Variants in LIMCH1 observed in about 807,000 individuals in gnomAD.
The protein encoded by LIMCH1 is LIM and calponin homology domains-containing protein 1.
A neutral mutation model predicts 176.5 loss-of-function variants in LIMCH1; 113 were observed. The ratio of observed to expected loss-of-function variants is 0.64; its 90% CI spans 0.55 to 0.75. The LOEUF is 0.75. Among genes scored for constraint, LIMCH1 ranks in the 30% least tolerant of loss-of-function variants. The pLI, the probability that LIMCH1 is intolerant of heterozygous loss-of-function variation, is 0.00. For missense variants in LIMCH1, 1,674 were observed against 1,814.9 expected, an observed-to-expected ratio of 0.92 and a Z score of 1.41; for synonymous variants, 619 against 645.9, an observed-to-expected ratio of 0.96 and a Z score of 0.63.
intron 1 of LIMCH1, among the ~76,000 whole-genome samples, chr4:41,487,508 G>A (rs768451253): frequency 2.0e-5 from 3 of 152,102 alleles, no homozygotes; most frequent in Non-Finnish European, 4.4e-5. Flanking sequence ...CATCTTGGGG[G>A]ACTTTTGATT....
Position 41,427,458 on chromosome 4 carries a change from C to G in LIMCH1, c.96+66522C>G, listed in dbSNP as rs1239070940. Among the ~76,000 whole-genome samples the G allele has an allele frequency of 5.3e-5, 8 of 152,322 alleles. No homozygotes were observed. The East Asian group carries it at 1.4e-3, about 26-fold the overall frequency. On this transcript the variant is annotated intron_variant, in intron 1 of 26. Transcript: ENST00000313860. Reference sequence around the variant, plus strand: ...CAGTCTTCGGGGCCATTTCCTCCCTCCTATCCTACTGCCCTCTCCCTGTCT... The same window carrying G: ...CAGTCTTCGGGGCCATTTCCTCCCTGCTATCCTACTGCCCTCTCCCTGTCT...
At position 41,555,594 on chromosome 4, in the gene LIMCH1, AG is replaced by A. The variant is rs542750195; in HGVS notation, c.-241+17245del. On this transcript the variant is annotated intron_variant, in intron 1 of 31. Transcript: ENST00000503057. ...AATCACCAGGTACTGGAAATTGATC[AG>A]CAGGCAAAATGCCCTTGAGGAGCTT... is the stretch of plus-strand genomic sequence containing the variant. 3.3e-3 allele frequency among the ~76,000 whole-genome samples: 500 copies of A among 152,332 alleles called. 1 individual carries two copies. Among genetic ancestry groups the A allele is most frequent in the Non-Finnish European group, 5.4e-3 (364 of 68,024 alleles).
intron 1 of LIMCH1, among the ~76,000 whole-genome samples, chr4:41,466,351 TA>T (rs1237499681): frequency 1.3e-5 from 2 of 152,204 alleles, no homozygotes; most frequent in Admixed American, 1.3e-4. Flanking sequence ...GAAGCTTCCT[TA>T]AAAAATGGCA....
chr4:41,460,458 C>CTTTATATATATATATATATATATA (rs372751468), intron 1 of LIMCH1, among the ~76,000 whole-genome samples: 1 of 110,546 alleles, frequency 9.0e-6, no homozygotes, highest in African/African-American at 4.0e-5. Context: ...TAGTAATCAT[C>CTTTATATATATATATATATATATA]TATATATATA....
chr4:41,556,334 G>A (rs1040551431), intron 1 of LIMCH1, among the ~76,000 whole-genome samples: 3 of 146,506 alleles, frequency 2.0e-5, no homozygotes, highest in African/African-American at 7.8e-5. Flanking sequence ...GGCAGAGGTT[G>A]CAGCAAGCTG....
intron 5 of LIMCH1, among the ~76,000 whole-genome samples, chr4:41,618,349 G>A (rs982530212): frequency 4.6e-5 from 7 of 152,158 alleles, no homozygotes; most frequent in Non-Finnish European, 7.4e-5. Context: ...TCCAACAAAT[G>A]GCTGATGTTG....
chr4:41,411,449 T>A (rs993281483), intron 1 of LIMCH1, among the ~76,000 whole-genome samples: 1 of 152,264 alleles, frequency 6.6e-6, no homozygotes, highest in Non-Finnish European at 1.5e-5. Flanking sequence ...GCTCAAGCAA[T>A]CCTCCTGCCT....
intron 1 of LIMCH1, among the ~76,000 whole-genome samples, chr4:41,571,414 C>T (rs996226803): frequency 1.3e-4 from 19 of 151,946 alleles, no homozygotes; most frequent in Non-Finnish European, 2.5e-4. Context: ...TTGACAGTGC[C>T]GTTTCTGGAG....
At position 41,603,420 on chromosome 4, in the gene LIMCH1, A is replaced by G. The variant is rs116764783; in HGVS notation, c.-133-455A>G. On this transcript the variant is annotated intron_variant, in intron 2 of 31. Transcript: ENST00000503057. The stretch of plus-strand genomic sequence containing the variant: ...AGAAAAGAACAAATATTTGGATAGG[A>G]TTCCTTCTTGTACACATATTTTCAG... Among the ~76,000 whole-genome samples, 1,145 of 152,290 alleles carry G rather than the reference A, an allele frequency of 7.5e-3. 12 individuals are homozygous for G. The highest frequency in any genetic ancestry group is 0.026 in the African/African-American group (1,099 of 41,568).
chr4:41,546,830 C>CAT (rs1168305998), intron 1 of LIMCH1, among the ~76,000 whole-genome samples: 14 of 151,736 alleles, frequency 9.2e-5, no homozygotes, highest in South Asian at 2.1e-4. Context: ...CACATACCTA[C>CAT]ATATATATAT....
intron 4 of LIMCH1, chr4:41,612,401 A>G (rs1313935527): frequency 8.3e-6 from 5 of 601,860 alleles, no homozygotes; most frequent in Non-Finnish European, 1.2e-5. Flanking sequence ...GGGAATCTGC[A>G]GTGTGGCATT....
At chr4:41,515,669 G>A (rs2075495562) in intron 2 of LIMCH1, among the ~76,000 whole-genome samples, 2 of 152,344 alleles carry the variant, frequency 1.3e-5, no homozygotes, top group Non-Finnish European at 1.5e-5. Flanking sequence ...ACTGAGGCTC[G>A]TGGATGTCAA....
At chr4:41,663,200 C>T (rs2152985342) in intron 20 of LIMCH1, among the ~76,000 whole-genome samples, 1 of 147,946 alleles carries the variant, frequency 6.8e-6, no homozygotes, top group East Asian at 2.0e-4. Flanking sequence ...GTTGCCCAGG[C>T]TGGAGTGCAG....
At chr4:41,642,752 T>C (rs2093886202) in intron 14 of LIMCH1, among the ~76,000 whole-genome samples, 1 of 147,330 alleles carries the variant, frequency 6.8e-6, no homozygotes. Flanking sequence ...TTTTTTTTTG[T>C]ATTTTTAGTA....
chr4:41,499,507 T>C (rs2072833389), intron 2 of LIMCH1, among the ~76,000 whole-genome samples: 1 of 152,186 alleles, frequency 6.6e-6, no homozygotes, highest in Admixed American at 6.5e-5. Context: ...AGTAATATCC[T>C]TTATACTGAT....
chr4:41,399,644 T>C (rs1286921323), intron 1 of LIMCH1, among the ~76,000 whole-genome samples: 4 of 149,954 alleles, frequency 2.7e-5, no homozygotes, highest in African/African-American at 9.8e-5. Context: ...TATATATTAC[T>C]CAGCTAACTT....
At chr4:41,646,935 AG>A (rs1239743261) in intron 17 of LIMCH1, 42 bp downstream of exon 17, 1 of 1,529,866 alleles carries the variant, frequency 6.5e-7, no homozygotes, top group East Asian at 2.3e-5. Flanking sequence ...GCTGAACTCC[AG>A]GGAGTGGATG....
chr4:41,555,984 G>A (rs1341641497), intron 1 of LIMCH1, among the ~76,000 whole-genome samples: 1 of 152,054 alleles, frequency 6.6e-6, no homozygotes, highest in Non-Finnish European at 1.5e-5. Context: ...GGCTCAGGGG[G>A]TCTGCCTGCC....
chr4:41,660,541 T>C (rs2094584409), intron 18 of LIMCH1, among the ~76,000 whole-genome samples: 1 of 152,170 alleles, frequency 6.6e-6, no homozygotes, highest in South Asian at 2.1e-4. Context: ...AAAACTAGTA[T>C]GTTAGAAACT....
Sources: gnomAD v4.1 joint callset for allele counts (sites outside exome capture counted in the v4.1 genomes callset) on GRCh38, gnomAD v4.1.1 for gene constraint, MANE v1.5 for transcripts, NCBI Gene and HGNC (gene_info 2026-07-23, HGNC 2026-07-21) for gene names.